Variants in NPC1 observed in about 807,000 individuals in gnomAD.
The protein encoded by NPC1 is NPC intracellular cholesterol transporter 1.
NPC1 carries 85 observed loss-of-function variants against 140.4 expected under a neutral mutation model. That is an observed-to-expected ratio of 0.61 (90% CI 0.51 to 0.72). The LOEUF is 0.72. Among genes scored for constraint, NPC1 ranks in the 30% least tolerant of loss-of-function variants. The probability of loss-of-function intolerance (pLI) is 0.00; values close to 1 mark genes in which losing one functional copy is unlikely to be tolerated. For synonymous variants in NPC1, 656 were observed against 624.8 expected (o/e 1.05, Z -0.74); for missense variants, 1,504 against 1,623.8 (o/e 0.93, Z 1.27).
At chr18:23,544,596 C>G in intron 12 of NPC1, 70 bp from the exon 13 acceptor site, 2 of 1,393,182 alleles carry the variant, frequency 1.4e-6, no homozygotes, top group Non-Finnish European at 2.0e-6. Context: ...ACTAAAAGGT[C>G]CTCCTTTTTA....
In NPC1 at chr18:23,533,627, C is replaced by T. The variant is rs959937990; in HGVS notation, c.3592-110G>A. 42 of 1,082,746 alleles carry T rather than the reference C, an allele frequency of 3.9e-5. No homozygotes were observed. The Middle Eastern group carries it at 7.5e-4, about 19-fold the overall frequency. 67.1% of individuals were successfully genotyped at this position (1,082,746 alleles called of 1,614,324 possible). On this transcript the variant is annotated intron_variant, in intron 23 of 24. Coordinates refer to ENST00000269228, the MANE Select transcript of NPC1 (RefSeq NM_000271.5). ...GTTCAAGTGATTCTCCTGCCCCAGC[C>T]TCCTGAGTAGCTGGGATTAAACAGG...
At chr18:23,528,039 T>C (rs1195469230), downstream of NPC1, 4 of 687,376 alleles carry the variant, frequency 5.8e-6, no homozygotes, top group Non-Finnish European at 7.1e-6. Flanking sequence ...TAGGGCAAGG[T>C]GGCAGTAGTG....
chr18:23,572,880 C>CT (rs1260706680), intron 2 of NPC1, among the ~76,000 whole-genome samples: 2 of 152,208 alleles, frequency 1.3e-5, no homozygotes, highest in African/African-American at 4.8e-5. Flanking sequence ...AGCCTAGGAA[C>CT]TCTGTTATCA....
chr18:23,537,580 C>T (rs865994730), intron 20 of NPC1, among the ~76,000 whole-genome samples: 1 of 152,170 alleles, frequency 6.6e-6, no homozygotes, highest in African/African-American at 2.4e-5. Context: ...CTCTGAGCCC[C>T]AGTCTCCTCT....
intron 4 of NPC1, among the ~76,000 whole-genome samples, chr18:23,563,517 G>A (rs1302506394): frequency 6.6e-6 from 1 of 152,064 alleles, no homozygotes; most frequent in East Asian, 1.9e-4. Context: ...TGCCCCTCAG[G>A]CTCAAGTGAT....
At chr18:23,518,517 T>A (rs2058067077), downstream of NPC1, among the ~76,000 whole-genome samples, 2 of 151,710 alleles carry the variant, frequency 1.3e-5, no homozygotes, top group Non-Finnish European at 1.5e-5. Flanking sequence ...AAAAAAATAG[T>A]GATTATATTT....
At chr18:23,527,652 C>G, downstream of NPC1, 1 of 199,784 alleles carries the variant, frequency 5.0e-6, no homozygotes, top group Non-Finnish European at 8.2e-6. Context: ...ATCTAGCTGT[C>G]AGGTCTTTAA....
At chr18:23,523,870 T>C (rs2058217008) in intron 1 of NPC1, among the ~76,000 whole-genome samples, 1 of 152,216 alleles carries the variant, frequency 6.6e-6, no homozygotes. Context: ...TCTTTGGTTA[T>C]TAAAAATAAC....
At chr18:23,537,816 A>C (rs2058654436) in intron 20 of NPC1, among the ~76,000 whole-genome samples, 1 of 152,200 alleles carries the variant, frequency 6.6e-6, no homozygotes, top group Non-Finnish European at 1.5e-5. Flanking sequence ...TTTTAGGAGG[A>C]GTCATCCCAT....
chr18:23,543,332 G>GAA (rs34563465), intron 14 of NPC1, 123 bp downstream of exon 14: 13,953 of 416,580 alleles, frequency 0.033, 17 homozygotes, highest in East Asian at 0.055. Context: ...CCGTCTCAGA[G>GAA]AAAAAAAAAA....
rs1305278091 is a variant in NPC1 at position 23,541,143 on chromosome 18, T to C, written c.2439A>G (p.Ser813=). The change falls in exon 16 of 25, where the codon TCA becomes TCG. Residue 813 remains serine (S), a synonymous_variant. Transcript: ENST00000269228. Reference sequence around the variant, plus strand: ...TGAAGAAGCGAAACAAACAGCTCTCTGAGGCCTGGACGCTTGTTCCATCTT... The same window carrying C: ...TGAAGAAGCGAAACAAACAGCTCTCCGAGGCCTGGACGCTTGTTCCATCTT... ...GAEDGTSVQA[S]ESCLFRFFKN... 6.2e-7 allele frequency: 1 copy of C among 1,614,206 alleles called. No individual in the cohort carries two copies. Among genetic ancestry groups the C allele is most frequent in the Non-Finnish European group, 8.5e-7 (1 of 1,180,024 alleles).
Position 23,532,243 on chromosome 18 carries a change from G to A in NPC1, c.3796C>T (p.Arg1266Ter), listed in dbSNP as rs376164368. Reference sequence around the variant, plus strand: ...CGTTCGCGCTCTGTTCCTTTGTATCGCTCTTCAGTGGCACAACTTTTGGCT... The same window carrying A: ...CGTTCGCGCTCTGTTCCTTTGTATCACTCTTCAGTGGCACAACTTTTGGCT... ...NKAKSCATEE[R>*]YKGTERERLL... is the part of the protein sequence containing the mutation. Residue 1266 changes from arginine to a stop codon, truncating the protein, a stop_gained, in exon 25 of 25, where the codon CGA (arginine) becomes TGA (stop). Coordinates refer to ENST00000269228, the MANE Select transcript of NPC1 (RefSeq NM_000271.5). LOFTEE classifies it high-confidence loss of function. The A allele has an allele frequency of 1.5e-5, 25 of 1,613,986 alleles. No homozygotes were observed. Among genetic ancestry groups the A allele is most frequent in the East Asian group, 4.5e-5 (2 of 44,884 alleles).
At chr18:23,508,174 CTG>C in intron 3 of NPC1, 1 of 736,872 alleles carries the variant, frequency 1.4e-6, no homozygotes, top group Admixed American at 3.6e-5. Flanking sequence ...GATTCCCAAA[CTG>C]GAGTCAGGCG....
rs1284405685 is a variant in NPC1, at chr18:23,540,320, T to C, written c.2604+128A>G. 5.5e-6 allele frequency: 4 copies of C among 722,900 alleles called. No individual in the cohort carries two copies. In the East Asian group the frequency reaches 1.1e-4, roughly 19 times the overall value. The allele number at this position is 722,900 out of a possible 1,614,324, so 44.8% of individuals were successfully genotyped here. A position where few individuals can be genotyped will look rare whatever the true frequency, so the allele number is the denominator to read the frequency against. On this transcript the variant is annotated intron_variant, in intron 17 of 24. Coordinates refer to ENST00000269228, the MANE Select transcript of NPC1 (RefSeq NM_000271.5). ...TGCACTGCGACAGTTCTCCTAACCCTGGAAACCCTGTCACCATTTGCAGTT... is the reference window on the plus strand; with the variant it reads ...TGCACTGCGACAGTTCTCCTAACCCCGGAAACCCTGTCACCATTTGCAGTT...
In NPC1 at chr18:23,586,283, T is replaced by C. The variant is rs1057519229; in HGVS notation, c.57+4A>G. The C allele has an allele frequency of 2.6e-6, 4 of 1,532,460 alleles. No individual in the cohort carries two copies. The highest frequency in any genetic ancestry group is 3.5e-6 in the Non-Finnish European group (4 of 1,145,504). The allele number at this position is 1,532,460 out of a possible 1,614,324, so 94.9% of individuals were successfully genotyped here. A position where few individuals can be genotyped will look rare whatever the true frequency, so the allele number is the denominator to read the frequency against. ...GGGCGTCCCGGTGGCCGGCGACCGC[T>C]CACCTGCGCTGGACACAGTAGCAGC... On this transcript the variant is annotated splice_donor_region_variant and intron_variant, in intron 1 of 24. Coordinates refer to ENST00000269228, the MANE Select transcript of NPC1 (RefSeq NM_000271.5).
At chr18:23,571,521 G>C (rs761866905) in intron 3 of NPC1, among the ~76,000 whole-genome samples, 21 of 152,068 alleles carry the variant, frequency 1.4e-4, no homozygotes, top group Admixed American at 4.6e-4. Flanking sequence ...GCTAGGTGTG[G>C]TGGCATGTGC....
chr18:23,534,621 C>G lies in NPC1; in HGVS notation c.3478-62G>C, dbSNP rs1451530405. 3.0e-6 allele frequency: 4 copies of G among 1,346,562 alleles called. No individual in the cohort carries two copies. The African/African-American group carries it at 5.8e-5, about 19-fold the overall frequency. 83.4% of individuals were successfully genotyped at this position (1,346,562 alleles called of 1,614,324 possible). On this transcript the variant is annotated intron_variant, in intron 22 of 24. Coordinates refer to ENST00000269228, the MANE Select transcript of NPC1 (RefSeq NM_000271.5). ...CTGTTGAAGACCCTAGGCAGCCACC[C>G]CGTTCTGAGGATGGGTGCTAATTAC...
intron 4 of NPC1, among the ~76,000 whole-genome samples, chr18:23,567,995 C>T (rs2059150434): frequency 6.6e-6 from 1 of 152,138 alleles, no homozygotes; most frequent in Non-Finnish European, 1.5e-5. Context: ...TTTTCCTCTC[C>T]TGTCTAGAAA....
downstream of NPC1, chr18:23,529,061 G>C: frequency 6.8e-7 from 1 of 1,467,644 alleles, no homozygotes; most frequent in Non-Finnish European, 9.1e-7. Flanking sequence ...AGTAGAGAAA[G>C]TGTTTTCCGC....
Sources: gnomAD v4.1 joint callset for allele counts (sites outside exome capture counted in the v4.1 genomes callset) on GRCh38, gnomAD v4.1.1 for gene constraint, MANE v1.5 for transcripts, NCBI Gene and HGNC (gene_info 2026-07-23, HGNC 2026-07-21) for gene names.